The following GPR39 variants were observed in gnomAD, a reference collection of about 807,000 sequenced individuals.
GPR39 encodes the protein zinc sensing receptor.
Under a neutral mutation model 18.4 loss-of-function variants are expected in GPR39, and 23 were observed. The observed-to-expected ratio is 1.25, with a 90% confidence interval of 0.90 to 1.77. The LOEUF (loss-of-function observed/expected upper bound fraction) is 1.77. Ranked by LOEUF, GPR39 falls within the 40% of genes most tolerant of loss-of-function variation. GPR39 has a pLI of 0.00. For synonymous variants in GPR39, 280 were observed against 257.9 expected (o/e 1.09, Z -0.82); for missense variants, 647 against 602.4 (o/e 1.07, Z -0.78).
chr2:132,610,763 C>T (rs538715790), intron 1 of GPR39, among the ~76,000 whole-genome samples: 163 of 119,734 alleles, frequency 1.4e-3, no homozygotes, highest in Non-Finnish European at 2.2e-3. Flanking sequence ...GGCAACAGAG[C>T]GAGACTCTGT....
At chr2:132,572,733 ACT>A (rs1319798195) in intron 1 of GPR39, among the ~76,000 whole-genome samples, 1 of 152,060 alleles carries the variant, frequency 6.6e-6, no homozygotes, top group Non-Finnish European at 1.5e-5. Flanking sequence ...ACAAGTTTAC[ACT>A]CTGTCAGATA....
intron 1 of GPR39, among the ~76,000 whole-genome samples, chr2:132,539,917 G>A (rs1235074326): frequency 6.6e-6 from 1 of 152,144 alleles, no homozygotes; most frequent in Non-Finnish European, 1.5e-5. Context: ...AGATGCTCAT[G>A]TGGAGGAATC....
intron 1 of GPR39, among the ~76,000 whole-genome samples, chr2:132,545,083 T>A (rs896779362): frequency 6.6e-6 from 1 of 152,224 alleles, no homozygotes; most frequent in African/African-American, 2.4e-5. Context: ...CTTTCAGGTT[T>A]TAAACTGTCT....
At chr2:132,546,660 C>T (rs994596358) in intron 1 of GPR39, among the ~76,000 whole-genome samples, 36 of 151,628 alleles carry the variant, frequency 2.4e-4, no homozygotes, top group African/African-American at 8.0e-4. Context: ...GATTATGCCA[C>T]ATTCTAGGAG....
chr2:132,639,488 T>A (rs185978912), intron 1 of GPR39, among the ~76,000 whole-genome samples: 1 of 152,322 alleles, frequency 6.6e-6, no homozygotes, highest in East Asian at 1.9e-4. Context: ...GAAAAGCTAA[T>A]ATTGGGAATT....
chr2:132,526,999 A>G (rs1679526519), intron 1 of GPR39, among the ~76,000 whole-genome samples: 1 of 152,144 alleles, frequency 6.6e-6, no homozygotes, highest in South Asian at 2.1e-4. Context: ...TTTATTACCT[A>G]AGTATACATG....
intron 1 of GPR39, among the ~76,000 whole-genome samples, chr2:132,460,856 G>A (rs890279358): frequency 1.3e-5 from 2 of 152,150 alleles, no homozygotes; most frequent in Non-Finnish European, 2.9e-5. Flanking sequence ...AGCCAGCTCT[G>A]GGCAGGGGCT....
At chr2:132,511,015 C>T (rs1161540600) in intron 1 of GPR39, among the ~76,000 whole-genome samples, 1 of 151,998 alleles carries the variant, frequency 6.6e-6, no homozygotes, top group East Asian at 1.9e-4. Context: ...GCAGACATAC[C>T]AAAAAGGAAA....
intron 1 of GPR39, among the ~76,000 whole-genome samples, chr2:132,621,596 C>T (rs554517076): frequency 1.9e-4 from 29 of 152,300 alleles, no homozygotes; most frequent in South Asian, 6.2e-4. Context: ...CCCATGTAGT[C>T]TAACACTTGT....
chr2:132,584,031 CA>C lies in GPR39; in HGVS notation c.857-61067del, dbSNP rs563998703. Among the ~76,000 whole-genome samples, 13 of 151,870 alleles carry C rather than the reference CA, an allele frequency of 8.6e-5. No homozygotes were observed. In the South Asian group the frequency reaches 2.7e-3, roughly 32 times the overall value. On this transcript the variant is annotated intron_variant, in intron 1 of 1. Coordinates refer to ENST00000329321, the MANE Select transcript of GPR39 (RefSeq NM_001508.3). ...CCACACCTTTCTAGGGAGGGAAAGTCAAAGAATTTCATAAGTTGCTGCAGGT... is the reference window on the plus strand; with the variant it reads ...CCACACCTTTCTAGGGAGGGAAAGTCAAGAATTTCATAAGTTGCTGCAGGT...
intron 1 of GPR39, among the ~76,000 whole-genome samples, chr2:132,575,011 A>G (rs1219679720): frequency 6.6e-6 from 1 of 152,172 alleles, no homozygotes; most frequent in African/African-American, 2.4e-5. Flanking sequence ...TCTTCTGCAT[A>G]TTCTGTATCT....
At chr2:132,444,467 T>G (rs1028004172) in intron 1 of GPR39, among the ~76,000 whole-genome samples, 13 of 152,126 alleles carry the variant, frequency 8.5e-5, no homozygotes, top group Non-Finnish European at 1.5e-5. Context: ...TTTTATTTTT[T>G]GTAGAGATGG....
chr2:132,452,453 C>T (rs897235457), intron 1 of GPR39, among the ~76,000 whole-genome samples: 1 of 151,518 alleles, frequency 6.6e-6, no homozygotes, highest in Admixed American at 6.6e-5. Context: ...TTTTCAATCA[C>T]TGTTCTTTCC....
At chr2:132,617,252 A>G (rs1341420225) in intron 1 of GPR39, among the ~76,000 whole-genome samples, 1 of 148,442 alleles carries the variant, frequency 6.7e-6, no homozygotes, top group Admixed American at 6.7e-5. Flanking sequence ...TTGTATTTTT[A>G]TGGCTTGGAG....
In GPR39 at chr2:132,435,405, T is replaced by C. The variant is rs555919779; in HGVS notation, c.856+17507T>C. ...GAAATATACTTTCTCTTCTCTATGATTGTCTAATAACTTTCTCTTTCTCTA... is the reference window on the plus strand; with the variant it reads ...GAAATATACTTTCTCTTCTCTATGACTGTCTAATAACTTTCTCTTTCTCTA... On this transcript the variant is annotated intron_variant, in intron 1 of 1. Transcript: ENST00000329321. 1.0e-3 allele frequency among the ~76,000 whole-genome samples: 154 copies of C among 152,360 alleles called. 1 individual carries two copies. Among genetic ancestry groups the C allele is most frequent in the African/African-American group, 3.6e-3 (148 of 41,588 alleles).
chr2:132,542,981 C>T (rs1423907990), intron 1 of GPR39, among the ~76,000 whole-genome samples: 1 of 152,174 alleles, frequency 6.6e-6, no homozygotes, highest in Non-Finnish European at 1.5e-5. Flanking sequence ...CCTAATCATT[C>T]TAACTTCCCA....
At chr2:132,454,247 T>A (rs1680680470) in intron 1 of GPR39, among the ~76,000 whole-genome samples, 1 of 152,240 alleles carries the variant, frequency 6.6e-6, no homozygotes, top group Admixed American at 6.5e-5. Context: ...GTAGCAATTG[T>A]GAATGGGAGT....
chr2:132,417,848 C>G lies in GPR39; in HGVS notation c.806C>G (p.Ser269Cys). Residue 269 changes from serine to cysteine, a missense_variant, in exon 1 of 2, where the codon TCC (serine) becomes TGC (cysteine). Physicochemically the swap from Ser to Cys is moderately radical, Grantham distance 112. This residue lies in a region of GPR39 where 581 missense variants were observed against 506.8 expected (regional missense o/e 1.15). Coordinates refer to ENST00000329321, the MANE Select transcript of GPR39 (RefSeq NM_001508.3). ...ACGCGGCCTCCGCAGCTGAGGAAGTCCGAGAGCGAAGAGAGCAGGACCGCC... is the reference window on the plus strand; with the variant it reads ...ACGCGGCCTCCGCAGCTGAGGAAGTGCGAGAGCGAAGAGAGCAGGACCGCC... ...GGTRPPQLRK[S>C]ESEESRTARR... 6.2e-7 allele frequency: 1 copy of G among 1,611,800 alleles called. No homozygotes were observed.
At chr2:132,610,958 G>A (rs1681229908) in intron 1 of GPR39, among the ~76,000 whole-genome samples, 1 of 152,114 alleles carries the variant, frequency 6.6e-6, no homozygotes, top group Non-Finnish European at 1.5e-5. Flanking sequence ...CAGAGGAGGA[G>A]CAACAATCAC....
Sources: gnomAD v4.1 joint callset for allele counts (sites outside exome capture counted in the v4.1 genomes callset) on GRCh38, gnomAD v4.1.1 for gene constraint, gnomAD v4.1.1 regional missense constraint, MANE v1.5 for transcripts, NCBI Gene and HGNC (gene_info 2026-07-23, HGNC 2026-07-21) for gene names.